The following CNTN1 variants were observed in gnomAD, a reference collection of about 807,000 sequenced individuals.
CNTN1 encodes contactin 1.
Under a neutral mutation model 126.4 loss-of-function variants are expected in CNTN1, and 38 were observed. That is an observed-to-expected ratio of 0.30 (90% CI 0.23 to 0.39). The LOEUF (loss-of-function observed/expected upper bound fraction) is 0.39. CNTN1 is among the 10% of genes least tolerant of loss of function. The pLI, the probability that CNTN1 is intolerant of heterozygous loss-of-function variation, is 1.00. For synonymous variants in CNTN1, 413 were observed against 422.6 expected, an observed-to-expected ratio of 0.98 and a Z score of 0.28; for missense variants, 1,009 against 1,248.4, an observed-to-expected ratio of 0.81 and a Z score of 2.89.
intron 1 of CNTN1, among the ~76,000 whole-genome samples, chr12:40,704,382 A>C (rs1941680508): frequency 6.6e-6 from 1 of 152,146 alleles, no homozygotes; most frequent in Non-Finnish European, 1.5e-5. Context: ...TCTAGTAGTA[A>C]TTTTATTATT....
At position 41,015,207 on chromosome 12, in the gene CNTN1, A is replaced by AAT. The variant is rs5797697; in HGVS notation, c.2184+909_2184+910insAT. 8.4e-4 allele frequency among the ~76,000 whole-genome samples: 128 copies of AAT among 152,256 alleles called. 1 individual carries two copies. Among genetic ancestry groups the AAT allele is most frequent in the South Asian group, 6.4e-3 (31 of 4,832 alleles). Reference sequence around the variant, plus strand: ...TTAAAGCAAGATTTAGCAAAAAAAAACTAATCTGAATCGTAAAATATTTAT... The same window carrying AAT: ...TTAAAGCAAGATTTAGCAAAAAAAAAATCTAATCTGAATCGTAAAATATTTAT... On this transcript the variant is annotated intron_variant, in intron 18 of 23. Coordinates refer to ENST00000551295, the MANE Select transcript of CNTN1 (RefSeq NM_001843.4).
At chr12:40,812,943 A>ATTTTT (rs36133223) in intron 1 of CNTN1, among the ~76,000 whole-genome samples, 2 of 131,694 alleles carry the variant, frequency 1.5e-5, no homozygotes, top group African/African-American at 5.5e-5. Context: ...CAGTTTGTTA[A>ATTTTT]TTTTTTTTTT....
intron 1 of CNTN1, among the ~76,000 whole-genome samples, chr12:40,723,114 G>T (rs966006922): frequency 1.3e-5 from 2 of 152,158 alleles, no homozygotes; most frequent in African/African-American, 4.8e-5. Context: ...ATGGGATAGT[G>T]CATGTACTGG....
intron 15 of CNTN1, among the ~76,000 whole-genome samples, chr12:40,970,420 T>C (rs1947468378): frequency 6.6e-6 from 1 of 152,156 alleles, no homozygotes; most frequent in Admixed American, 6.6e-5. Context: ...CGACCTTTTT[T>C]TTACTATTTA....
intron 1 of CNTN1, among the ~76,000 whole-genome samples, chr12:40,835,673 G>C (rs1366098534): frequency 2.0e-5 from 3 of 151,978 alleles, no homozygotes; most frequent in Non-Finnish European, 4.4e-5. Flanking sequence ...TTTATCTCAA[G>C]GGTTGTCTGA....
Position 40,927,529 on chromosome 12 carries a change from G to T in CNTN1, c.497-2267G>T, listed in dbSNP as rs116195310. ...AGTCACTTCACCCTATTAGGCCTTGGATCCCCCATTTAAAAATGGCAAGAG... is the reference window on the plus strand; with the variant it reads ...AGTCACTTCACCCTATTAGGCCTTGTATCCCCCATTTAAAAATGGCAAGAG... On this transcript the variant is annotated intron_variant, in intron 6 of 23. Transcript: ENST00000551295. Among the ~76,000 whole-genome samples the T allele has an allele frequency of 7.7e-3, 1,168 of 152,110 alleles. 16 individuals are homozygous for T. The highest frequency in any genetic ancestry group is 0.027 in the African/African-American group (1,113 of 41,512).
chr12:41,058,444 C>T (rs1376102373), intron 23 of CNTN1, among the ~76,000 whole-genome samples: 1 of 152,078 alleles, frequency 6.6e-6, no homozygotes, highest in Non-Finnish European at 1.5e-5. Flanking sequence ...ATTTCAGTTC[C>T]ATTCACTTGT....
At chr12:40,858,219 C>A (rs377540888) in intron 1 of CNTN1, among the ~76,000 whole-genome samples, 4 of 152,120 alleles carry the variant, frequency 2.6e-5, no homozygotes, top group Non-Finnish European at 2.9e-5. Context: ...CCCAACATAG[C>A]AGCTCACTTC....
At chr12:40,801,406 T>G (rs535732413) in intron 1 of CNTN1, among the ~76,000 whole-genome samples, 2 of 152,090 alleles carry the variant, frequency 1.3e-5, no homozygotes, top group Non-Finnish European at 2.9e-5. Flanking sequence ...GTGGAAGAGT[T>G]AGGTATTAAA....
chr12:40,776,910 C>G (rs538931927), intron 1 of CNTN1, among the ~76,000 whole-genome samples: 6 of 151,668 alleles, frequency 4.0e-5, no homozygotes, highest in African/African-American at 7.2e-5. Flanking sequence ...TCTGGCCACA[C>G]TTTTATACTG....
At chr12:41,030,597 A>G (rs148253936) in intron 23 of CNTN1, among the ~76,000 whole-genome samples, 249 of 152,256 alleles carry the variant, frequency 1.6e-3, no homozygotes, top group African/African-American at 5.8e-3. Context: ...TAAAAATTAT[A>G]AATGATATTC....
chr12:40,773,672 T>TACAC (rs1179950857), intron 1 of CNTN1, among the ~76,000 whole-genome samples: 1 of 9,702 alleles, frequency 1.0e-4, no homozygotes, highest in African/African-American at 2.0e-4. Flanking sequence ...TATATATATA[T>TACAC]ACACATATAT....
intron 1 of CNTN1, among the ~76,000 whole-genome samples, chr12:40,720,428 A>G (rs75278439): frequency 2.2e-5 from 3 of 134,554 alleles, no homozygotes; most frequent in East Asian, 2.4e-4. Flanking sequence ...GTGTGTGTGT[A>G]TGTGTACACA....
At chr12:41,055,699 A>G (rs1294066684) in intron 23 of CNTN1, among the ~76,000 whole-genome samples, 1 of 152,142 alleles carries the variant, frequency 6.6e-6, no homozygotes, top group Non-Finnish European at 1.5e-5. Flanking sequence ...AATCCTAAAG[A>G]AAGAAAAATG....
At chr12:40,744,347 C>T (rs571086179) in intron 1 of CNTN1, among the ~76,000 whole-genome samples, 4 of 151,168 alleles carry the variant, frequency 2.6e-5, no homozygotes, top group African/African-American at 7.3e-5. Context: ...GAGATGAATG[C>T]ATGAAGGGAA....
intron 15 of CNTN1, chr12:40,972,003 C>A (rs774049707): frequency 3.0e-6 from 3 of 994,650 alleles, no homozygotes; most frequent in Non-Finnish European, 3.6e-6. Context: ...TTTTCTTAAT[C>A]CTAGTACCAT....
chr12:40,904,441 C>A (rs1444748188), intron 1 of CNTN1, among the ~76,000 whole-genome samples: 5 of 129,120 alleles, frequency 3.9e-5, no homozygotes, highest in African/African-American at 1.5e-4. Context: ...TTTTTTCTTT[C>A]TTTCTTTCTC....
At chr12:40,762,173 A>G (rs929481678) in intron 1 of CNTN1, among the ~76,000 whole-genome samples, 1 of 152,220 alleles carries the variant, frequency 6.6e-6, no homozygotes, top group African/African-American at 2.4e-5. Flanking sequence ...TAGTAAGTAC[A>G]AACATTATGA....
Position 40,904,995 on chromosome 12 carries a change from G to C in CNTN1, c.-76-3362G>C, listed in dbSNP as rs377234179. Among the ~76,000 whole-genome samples the C allele has an allele frequency of 3.9e-5, 6 of 152,224 alleles. No individual in the cohort carries two copies. In the East Asian group the frequency reaches 1.2e-3, roughly 29 times the overall value. ...AACCTTGCAATTGTGCTATGAATTA[G>C]ATATTCTTTCCATATTAAAAGGTGA... On this transcript the variant is annotated intron_variant, in intron 1 of 23. Coordinates refer to ENST00000551295, the MANE Select transcript of CNTN1 (RefSeq NM_001843.4).
Sources: allele counts gnomAD v4.1 joint callset (sites outside exome capture counted in the v4.1 genomes callset), GRCh38; gene constraint gnomAD v4.1.1; transcripts MANE v1.5; gene names NCBI Gene and HGNC (gene_info 2026-07-23, HGNC 2026-07-21).